Variants in SOX5 observed in about 807,000 individuals in gnomAD.
SOX5 encodes SRY-box transcription factor 5, also known as transcription factor SOX-5.
In SOX5, 9 loss-of-function variants were observed where a neutral mutation model predicts 92.0. The ratio of observed to expected loss-of-function variants is 0.10; its 90% CI spans 0.06 to 0.17. The LOEUF is 0.17. Ranked by LOEUF, SOX5 falls within the 10% of genes least tolerant of loss-of-function variation. The probability of loss-of-function intolerance (pLI) is 1.00; values close to 1 mark genes in which losing one functional copy is unlikely to be tolerated. For synonymous variants in SOX5, 344 were observed against 336.3 expected, an observed-to-expected ratio of 1.02 and a Z score of -0.25; for missense variants, 642 against 944.5, an observed-to-expected ratio of 0.68 and a Z score of 4.20.
At chr12:24,042,891 T>C (rs1042746780) in intron 4 of SOX5, among the ~76,000 whole-genome samples, 1 of 152,200 alleles carries the variant, frequency 6.6e-6, no homozygotes, top group Admixed American at 6.5e-5. Context: ...AATGATTTCA[T>C]TTTCTGCTTT....
chr12:23,533,242 C>CACAT lies in SOX5; in HGVS notation c.*973_*976dup, dbSNP rs781292333. The CACAT allele has an allele frequency of 8.7e-5, 39 of 450,364 alleles. 1 individual carries two copies. The highest frequency in any genetic ancestry group is 4.7e-4 in the South Asian group (30 of 63,622). The allele number at this position is 450,364 out of a possible 1,614,324, so 27.9% of individuals were successfully genotyped here. A position where few individuals can be genotyped will look rare whatever the true frequency, so the allele number is the denominator to read the frequency against. ...TTATTCCTATTATTAGTACCATAAT[C>CACAT]ACATACATACATACACACAAAAATC... On this transcript the variant is annotated 3_prime_UTR_variant, in exon 15 of 15. Coordinates refer to ENST00000451604, the MANE Select transcript of SOX5 (RefSeq NM_006940.6).
intron 4 of SOX5, among the ~76,000 whole-genome samples, chr12:24,153,884 C>A (rs1287576818): frequency 1.3e-5 from 2 of 152,136 alleles, no homozygotes; most frequent in Non-Finnish European, 2.9e-5. Context: ...CAATCACGCA[C>A]ACAGACAAAC....
At chr12:24,521,634 T>C (rs1409166987) in intron 1 of SOX5, among the ~76,000 whole-genome samples, 1 of 151,910 alleles carries the variant, frequency 6.6e-6, no homozygotes, top group Non-Finnish European at 1.5e-5. Context: ...TGGAGTGAAA[T>C]TAGAAATCAA....
chr12:24,282,065 TAC>T (rs567555483), intron 2 of SOX5, among the ~76,000 whole-genome samples: 49 of 152,200 alleles, frequency 3.2e-4, no homozygotes, highest in Non-Finnish European at 6.0e-4. Flanking sequence ...TAGGAGGAGC[TAC>T]AGAGACTCAA....
rs542695036 is a variant in SOX5, at chr12:23,868,388, C to G, written c.271-22195G>C. 7.9e-5 allele frequency among the ~76,000 whole-genome samples: 12 copies of G among 152,188 alleles called. No individual in the cohort carries two copies. The East Asian group carries it at 2.1e-3, about 27-fold the overall frequency. ...TTAAGGTTCAGAAAAGAATATCAAG[C>G]ATTTTGAAGCAAGAGCAAATTCATT... On this transcript the variant is annotated intron_variant, in intron 2 of 14. Transcript: ENST00000451604.
At chr12:23,991,335 C>T (rs900514072) in intron 4 of SOX5, among the ~76,000 whole-genome samples, 3 of 150,606 alleles carry the variant, frequency 2.0e-5, no homozygotes, top group South Asian at 2.1e-4. Flanking sequence ...AAAAAAACAA[C>T]AACAACAAAA....
intron 4 of SOX5, among the ~76,000 whole-genome samples, chr12:24,104,721 A>T (rs1186405173): frequency 6.6e-6 from 1 of 152,234 alleles, no homozygotes; most frequent in Non-Finnish European, 1.5e-5. Context: ...CCTTTTCAGA[A>T]ATGTCTCTGC....
chr12:24,201,442 A>G (rs911054229), intron 4 of SOX5, among the ~76,000 whole-genome samples: 6 of 152,174 alleles, frequency 3.9e-5, no homozygotes, highest in East Asian at 1.9e-4. Context: ...GACTCAAATG[A>G]ATACCCTGGT....
chr12:24,189,647 A>G (rs536538366), intron 4 of SOX5, among the ~76,000 whole-genome samples: 1 of 152,300 alleles, frequency 6.6e-6, no homozygotes, highest in Non-Finnish European at 1.5e-5. Flanking sequence ...CCACAATTCC[A>G]TAAATAGCTG....
intron 4 of SOX5, among the ~76,000 whole-genome samples, chr12:24,160,168 A>G (rs1019161099): frequency 1.3e-5 from 2 of 152,082 alleles, no homozygotes; most frequent in Non-Finnish European, 2.9e-5. Flanking sequence ...TTTTTCTAGA[A>G]AGAGGTTAGT....
At position 24,318,956 on chromosome 12, in the gene SOX5, C is replaced by T. The variant is rs141769484; in HGVS notation, c.-173-41644G>A. 3.9e-5 allele frequency among the ~76,000 whole-genome samples: 6 copies of T among 152,320 alleles called. No individual in the cohort carries two copies. The East Asian group carries it at 1.2e-3, about 29-fold the overall frequency. ...CATCCCCCAATTCCAAGGACCCTCA[C>T]CAGATGACACCTCACACCGCAAAAC... On this transcript the variant is annotated intron_variant, in intron 2 of 4. Transcript: ENST00000446891.
In SOX5 at chr12:24,420,165, T is replaced by C. The variant is rs79103388; in HGVS notation, c.-250-51526A>G. Among the ~76,000 whole-genome samples, 680 of 152,330 alleles carry C rather than the reference T, an allele frequency of 4.5e-3. 11 individuals carry two copies. The East Asian group carries it at 0.051, about 11-fold the overall frequency. On this transcript the variant is annotated intron_variant, in intron 1 of 4. Transcript: ENST00000446891. ...AGGAAATTTGATAGTCCAAAATTAA[T>C]ACGTATTAGAGCTGAAAACTTTAAG...
chr12:23,811,944 A>C (rs1343201890), intron 3 of SOX5, among the ~76,000 whole-genome samples: 1 of 152,138 alleles, frequency 6.6e-6, no homozygotes, highest in Non-Finnish European at 1.5e-5. Flanking sequence ...CTTAGTCAAT[A>C]AAAACCAGCT....
rs71059956 is a variant in SOX5, at chr12:23,979,950, T to TAGACAGACAGAC, written c.-1-83938_-1-83927dup. On this transcript the variant is annotated intron_variant, in intron 4 of 4. Transcript: ENST00000446891. ...ACAGACAGACAGATAGATAGATAGATAGACAGACAGACAGATAGATAGACA... is the reference window on the plus strand; with the variant it reads ...ACAGACAGACAGATAGATAGATAGATAGACAGACAGACAGACAGACAGACAGATAGATAGACA... Among the ~76,000 whole-genome samples, 514 of 145,802 alleles carry TAGACAGACAGAC rather than the reference T, an allele frequency of 3.5e-3. 6 individuals carry two copies. The highest frequency in any genetic ancestry group is 0.031 in the East Asian group (138 of 4,440).
intron 2 of SOX5, among the ~76,000 whole-genome samples, chr12:24,341,214 T>TACC (rs1289598286): frequency 6.6e-6 from 1 of 152,198 alleles, no homozygotes; most frequent in Non-Finnish European, 1.5e-5. Context: ...TGGTGGCTTA[T>TACC]ACCTGTAATC....
chr12:24,030,337 T>TA (rs1238134322), intron 4 of SOX5, among the ~76,000 whole-genome samples: 1 of 151,806 alleles, frequency 6.6e-6, no homozygotes, highest in South Asian at 2.1e-4. Flanking sequence ...GATACTGGCA[T>TA]AAAAACAGAC....
intron 2 of SOX5, among the ~76,000 whole-genome samples, chr12:24,325,629 C>T (rs954179958): frequency 6.6e-6 from 1 of 152,008 alleles, no homozygotes; most frequent in African/African-American, 2.4e-5. Context: ...TCTGTGTCTA[C>T]AGAGGAAGAA....
intron 4 of SOX5, among the ~76,000 whole-genome samples, chr12:23,971,764 G>A (rs911904856): frequency 2.0e-5 from 3 of 151,948 alleles, no homozygotes; most frequent in African/African-American, 7.2e-5. Context: ...TCCCAAGTCT[G>A]TTAATTATTT....
At chr12:23,565,995 G>C (rs959050712) in intron 10 of SOX5, among the ~76,000 whole-genome samples, 2 of 152,106 alleles carry the variant, frequency 1.3e-5, no homozygotes, top group African/African-American at 4.8e-5. Context: ...CTTACCTTCT[G>C]CTGGCTTAAT....
Sources: allele counts gnomAD v4.1 joint callset (sites outside exome capture counted in the v4.1 genomes callset), GRCh38; gene constraint gnomAD v4.1.1; transcripts MANE v1.5; gene names NCBI Gene and HGNC (gene_info 2026-07-23, HGNC 2026-07-21).